Variants in TAOK3 observed in about 807,000 individuals in gnomAD.
TAOK3 encodes serine/threonine-protein kinase TAO3.
TAOK3 carries 40 observed loss-of-function variants against 120.4 expected under a neutral mutation model. The observed-to-expected ratio is 0.33, with a 90% confidence interval of 0.26 to 0.43. The LOEUF (loss-of-function observed/expected upper bound fraction) is 0.43. Among genes scored for constraint, TAOK3 ranks in the 20% least tolerant of loss-of-function variants. The pLI, the probability that TAOK3 is intolerant of heterozygous loss-of-function variation, is 1.00. For synonymous variants in TAOK3, 355 were observed against 387.5 expected (o/e 0.92, Z 0.99); for missense variants, 821 against 1,112.1 (o/e 0.74, Z 3.72).
chr12:118,251,826 T>C (rs963994459), intron 3 of TAOK3, among the ~76,000 whole-genome samples: 108 of 105,898 alleles, frequency 1.0e-3, no homozygotes, highest in Non-Finnish European at 2.0e-3. Flanking sequence ...GTTTGGCTGC[T>C]TTTTTTTTTT....
intron 19 of TAOK3, among the ~76,000 whole-genome samples, chr12:118,159,592 C>T (rs570086997): frequency 4.6e-5 from 7 of 152,308 alleles, no homozygotes; most frequent in Admixed American, 3.3e-4. Flanking sequence ...TGAGCCACCG[C>T]GCCCGGCCCC....
chr12:118,239,784 C>T lies in TAOK3; in HGVS notation c.295-512G>A, dbSNP rs538775760. Among the ~76,000 whole-genome samples the T allele has an allele frequency of 3.3e-5, 5 of 152,232 alleles. No homozygotes were observed. The South Asian group carries it at 1.0e-3, about 32-fold the overall frequency. On this transcript the variant is annotated intron_variant, in intron 5 of 20. Coordinates refer to ENST00000392533, the MANE Select transcript of TAOK3 (RefSeq NM_016281.4). ...GAACTGAATCTGAAGATGTAGCCTG[C>T]TATGTATCATTACATTACCTTGAAT...
intron 1 of TAOK3, among the ~76,000 whole-genome samples, chr12:118,329,062 T>C (rs559376027): frequency 6.6e-6 from 1 of 152,266 alleles, no homozygotes; most frequent in South Asian, 2.1e-4. Context: ...TTAAAGGGTA[T>C]TTAACCCAGT....
chr12:118,183,545 G>GT (rs1315628215), intron 14 of TAOK3, among the ~76,000 whole-genome samples: 4 of 152,006 alleles, frequency 2.6e-5, no homozygotes, highest in African/African-American at 7.2e-5. Flanking sequence ...CAGAAAATGT[G>GT]TTTTTTTAAT....
chr12:118,348,696 C>T (rs1302848060), intron 1 of TAOK3, among the ~76,000 whole-genome samples: 3 of 152,080 alleles, frequency 2.0e-5, no homozygotes, highest in East Asian at 1.9e-4. Context: ...TTGATCCACC[C>T]GTCTCAGCCT....
rs1270817100 is a variant in TAOK3 at position 118,203,541 on chromosome 12, C to T, written c.820-2078G>A. On this transcript the variant is annotated intron_variant, in intron 11 of 20. Coordinates refer to ENST00000392533, the MANE Select transcript of TAOK3 (RefSeq NM_016281.4). ...CCAACATGGTGAAACCCTTTCTCTACTAAAAATACAAAATTAACTGGGCAT... is the reference window on the plus strand; with the variant it reads ...CCAACATGGTGAAACCCTTTCTCTATTAAAAATACAAAATTAACTGGGCAT... Among the ~76,000 whole-genome samples the T allele has an allele frequency of 2.0e-5, 3 of 151,922 alleles. No individual in the cohort carries two copies. In the East Asian group the frequency reaches 5.8e-4, roughly 29 times the overall value.
At chr12:118,164,047 G>A (rs1313154077) in intron 17 of TAOK3, among the ~76,000 whole-genome samples, 1 of 151,794 alleles carries the variant, frequency 6.6e-6, no homozygotes, top group African/African-American at 2.4e-5. Context: ...AAGGAGCCTG[G>A]GGCGGTGGCT....
At chr12:118,330,222 A>C (rs2044086221) in intron 1 of TAOK3, among the ~76,000 whole-genome samples, 1 of 152,224 alleles carries the variant, frequency 6.6e-6, no homozygotes, top group African/African-American at 2.4e-5. Context: ...AGAAAATAAA[A>C]GTTAAGATTA....
chr12:118,231,104 T>C (rs190226067), intron 9 of TAOK3, among the ~76,000 whole-genome samples: 74 of 152,302 alleles, frequency 4.9e-4, no homozygotes, highest in African/African-American at 1.3e-3. Flanking sequence ...GAACCACATA[T>C]ATACGTTACC....
intron 1 of TAOK3, among the ~76,000 whole-genome samples, chr12:118,299,379 A>G (rs1202712783): frequency 1.3e-5 from 2 of 152,188 alleles, no homozygotes; most frequent in Admixed American, 1.3e-4. Flanking sequence ...AAAAAAATCA[A>G]TAAATTATAC....
chr12:118,184,978 A>G (rs2036987599), intron 14 of TAOK3, among the ~76,000 whole-genome samples: 1 of 152,282 alleles, frequency 6.6e-6, no homozygotes, highest in East Asian at 1.9e-4. Context: ...GAAATGCTCA[A>G]CACATGCTGG....
intron 1 of TAOK3, among the ~76,000 whole-genome samples, chr12:118,268,012 G>T (rs2041534657): frequency 6.6e-6 from 1 of 152,042 alleles, no homozygotes; most frequent in Admixed American, 6.6e-5. Context: ...ATGCAGCTGA[G>T]ATCACATTAT....
intron 14 of TAOK3, among the ~76,000 whole-genome samples, chr12:118,187,119 G>C (rs1190273215): frequency 6.6e-6 from 1 of 152,164 alleles, no homozygotes; most frequent in Non-Finnish European, 1.5e-5. Context: ...TATTTATCTA[G>C]TTATTGAAAA....
rs527322555 is a variant in TAOK3, at chr12:118,205,764, T to C, written c.820-4301A>G. Among the ~76,000 whole-genome samples the C allele has an allele frequency of 2.6e-5, 4 of 151,958 alleles. No individual in the cohort carries two copies. In the South Asian group the frequency reaches 6.2e-4, roughly 24 times the overall value. On this transcript the variant is annotated intron_variant, in intron 11 of 20. Transcript: ENST00000392533. ...TAGCTGGGATTACAGGCGTGCACCA[T>C]TACGCCCAACTACTTTTTGTATTTT...
At chr12:118,162,119 A>C (rs531106799) in intron 17 of TAOK3, 92 bp from the exon 18 acceptor site, 2 of 1,468,890 alleles carry the variant, frequency 1.4e-6, no homozygotes, top group Non-Finnish European at 1.9e-6. Flanking sequence ...AAGGAATGGC[A>C]CTGCTAACCA....
chr12:118,285,428 C>T (rs2042233651), intron 1 of TAOK3, among the ~76,000 whole-genome samples: 1 of 151,944 alleles, frequency 6.6e-6, no homozygotes, highest in Admixed American at 6.6e-5. Flanking sequence ...TCTCAGCTCA[C>T]TGCAACCTCC....
intron 15 of TAOK3, among the ~76,000 whole-genome samples, chr12:118,179,124 G>A (rs987274340): frequency 1.3e-5 from 2 of 152,230 alleles, no homozygotes; most frequent in Non-Finnish European, 2.9e-5. Flanking sequence ...TTTCATGCCA[G>A]ACTGCCTCAC....
rs181149941 is a variant in TAOK3, at chr12:118,207,054, C to T, written c.820-5591G>A. Among the ~76,000 whole-genome samples the T allele has an allele frequency of 6.6e-3, 996 of 152,048 alleles. 13 individuals carry two copies. The highest frequency in any genetic ancestry group is 0.023 in the African/African-American group (942 of 41,508). On this transcript the variant is annotated intron_variant, in intron 11 of 20. Coordinates refer to ENST00000392533, the MANE Select transcript of TAOK3 (RefSeq NM_016281.4). ...ATAAAAAAAGAAAATCGGCCAGGCA[C>T]GGTGGGTCATGCCTGTAATCCCAGC...
intron 19 of TAOK3, among the ~76,000 whole-genome samples, chr12:118,159,555 C>G (rs567412353): frequency 6.6e-6 from 1 of 152,306 alleles, no homozygotes. Flanking sequence ...CCTGCCTCGG[C>G]CTCCCAAAAT....
Sources: allele counts gnomAD v4.1 joint callset (sites outside exome capture counted in the v4.1 genomes callset), GRCh38; gene constraint gnomAD v4.1.1; transcripts MANE v1.5; gene names NCBI Gene and HGNC (gene_info 2026-07-23, HGNC 2026-07-21).